CACNA2D1: variants seen among roughly 807,000 people sequenced by gnomAD.
CACNA2D1 encodes the protein calcium voltage-gated channel auxiliary subunit alpha2delta 1.
Under a neutral mutation model 171.5 loss-of-function variants are expected in CACNA2D1, and 53 were observed. That is an observed-to-expected ratio of 0.31 (90% CI 0.25 to 0.39). CACNA2D1 has a LOEUF of 0.39. CACNA2D1 is among the 10% of genes least tolerant of loss of function. The probability of loss-of-function intolerance (pLI) is 1.00; values close to 1 mark genes in which losing one functional copy is unlikely to be tolerated. For missense variants in CACNA2D1, 903 were observed against 1,299.8 expected, an observed-to-expected ratio of 0.69 and a Z score of 4.69; for synonymous variants, 442 against 443.1, an observed-to-expected ratio of 1.00 and a Z score of 0.03.
In CACNA2D1 at chr7:81,974,505, A is replaced by T; in HGVS notation, c.2003T>A (p.Leu668His). The T allele has an allele frequency of 6.3e-7, 1 of 1,579,040 alleles. No individual in the cohort carries two copies. The highest frequency in any genetic ancestry group is 8.7e-7 in the Non-Finnish European group (1 of 1,149,402). The change falls in exon 25 of 39, where the codon CTT (leucine) becomes CAT (histidine). Residue 668 changes from leucine (L) to histidine (H), a missense_variant. Physicochemically the swap from Leu to His is moderately conservative, Grantham distance 99 (BLOSUM62 -3). This residue lies in a region of CACNA2D1 where 623 missense variants were observed against 925.5 expected (regional missense o/e 0.67). Transcript: ENST00000356860. ...ATCAATAAACTCGTTGAAATTTAAAAGAAATTCAGTGTTATTATCCGATAT... is the reference window on the plus strand; with the variant it reads ...ATCAATAAACTCGTTGAAATTTAAATGAAATTCAGTGTTATTATCCGATAT... ...LKISDNNTEFLLNFNEFIDRK... is the reference protein window; with the variant it reads ...LKISDNNTEFHLNFNEFIDRK...
intron 38 of CACNA2D1, among the ~76,000 whole-genome samples, chr7:81,956,881 A>T (rs1044445681): frequency 7.1e-5 from 10 of 141,694 alleles, no homozygotes; most frequent in Non-Finnish European, 1.3e-4. Flanking sequence ...AAGACCCAAA[A>T]CATCTCTTTA....
At chr7:82,092,804 G>A (rs2129021035) in intron 6 of CACNA2D1, among the ~76,000 whole-genome samples, 1 of 151,648 alleles carries the variant, frequency 6.6e-6, no homozygotes, top group South Asian at 2.1e-4. Flanking sequence ...TACATAGCCT[G>A]CTAAACTCTC....
chr7:82,097,177 A>T (rs1811990058), intron 6 of CACNA2D1, among the ~76,000 whole-genome samples: 1 of 152,194 alleles, frequency 6.6e-6, no homozygotes, highest in African/African-American at 2.4e-5. Context: ...TGGGAGTTGA[A>T]CATTGTTCAA....
At chr7:81,982,022 A>G (rs531072993) in intron 24 of CACNA2D1, among the ~76,000 whole-genome samples, 45 of 152,298 alleles carry the variant, frequency 3.0e-4, no homozygotes, top group Non-Finnish European at 5.4e-4. Context: ...TCACAGGTAA[A>G]AATACACAAT....
At chr7:82,330,564 A>C (rs887960942) in intron 3 of CACNA2D1, among the ~76,000 whole-genome samples, 3 of 152,162 alleles carry the variant, frequency 2.0e-5, no homozygotes, top group African/African-American at 7.2e-5. Context: ...TTTACTGAAG[A>C]ATAATGAAGG....
At chr7:82,026,683 G>A (rs1801963124) in intron 12 of CACNA2D1, among the ~76,000 whole-genome samples, 1 of 151,602 alleles carries the variant, frequency 6.6e-6, no homozygotes, top group Non-Finnish European at 1.5e-5. Context: ...CACACAGGGT[G>A]GGTGTGTGTA....
intron 3 of CACNA2D1, among the ~76,000 whole-genome samples, chr7:82,275,831 A>G (rs1454713596): frequency 6.6e-6 from 1 of 152,196 alleles, no homozygotes; most frequent in Non-Finnish European, 1.5e-5. Flanking sequence ...AATATAGTTA[A>G]TGATTTTCTC....
At chr7:82,099,470 G>T (rs1433363196) in intron 6 of CACNA2D1, among the ~76,000 whole-genome samples, 2 of 13,336 alleles carry the variant, frequency 1.5e-4, no homozygotes, top group Non-Finnish European at 3.4e-4. Context: ...TTTTTTTTGA[G>T]ACGGAGTCTC....
intron 12 of CACNA2D1, among the ~76,000 whole-genome samples, chr7:82,023,286 T>C (rs1442743033): frequency 2.0e-5 from 3 of 151,920 alleles, no homozygotes; most frequent in Non-Finnish European, 2.9e-5. Context: ...GAGATTAACA[T>C]GGATCCTGTT....
intron 6 of CACNA2D1, among the ~76,000 whole-genome samples, chr7:82,110,932 C>T (rs1788303160): frequency 1.3e-5 from 2 of 152,008 alleles, no homozygotes; most frequent in Admixed American, 6.6e-5. Context: ...TTTTACACTC[C>T]ACTCCCCTCC....
At chr7:82,241,920 C>T (rs1406221365) in intron 3 of CACNA2D1, among the ~76,000 whole-genome samples, 1 of 152,138 alleles carries the variant, frequency 6.6e-6, no homozygotes, top group African/African-American at 2.4e-5. Flanking sequence ...ACACAGAGAA[C>T]ATATTACTTT....
chr7:82,219,815 A>G (rs1217400020), intron 3 of CACNA2D1, among the ~76,000 whole-genome samples: 1 of 152,148 alleles, frequency 6.6e-6, no homozygotes, highest in East Asian at 1.9e-4. Flanking sequence ...GTTTTATCTT[A>G]TTCTGATGAG....
intron 4 of CACNA2D1, among the ~76,000 whole-genome samples, chr7:82,153,064 C>A (rs1300073677): frequency 6.7e-6 from 1 of 149,916 alleles, no homozygotes; most frequent in Non-Finnish European, 1.5e-5. Flanking sequence ...GTAGATTGTG[C>A]AATCCTTCTA....
At position 81,991,196 on chromosome 7, in the gene CACNA2D1, G is replaced by T; in HGVS notation, c.1785C>A (p.Gly595=). ...ATACAGTTAATTACCTGTAATCTGT[G>T]CCATTGACAGGTGTCCATGTGTATG... ...NRTYTWTPVN[G]TDYSLALVLP... The change falls in exon 21 of 39, where the codon GGC becomes GGA. Residue 595 remains glycine, a synonymous_variant. Coordinates refer to ENST00000356860, the MANE Select transcript of CACNA2D1 (RefSeq NM_000722.4). 1 of 1,478,750 alleles carries T rather than the reference G, an allele frequency of 6.8e-7. No homozygotes were observed. The highest frequency in any genetic ancestry group is 9.5e-7 in the Non-Finnish European group (1 of 1,056,912). 91.6% of individuals were successfully genotyped at this position (1,478,750 alleles called of 1,614,324 possible).
Position 82,008,836 on chromosome 7 carries a change from A to C in CACNA2D1, c.1363-1080T>G, listed in dbSNP as rs1562861918. On this transcript the variant is annotated intron_variant, in intron 15 of 38. Coordinates refer to ENST00000356860, the MANE Select transcript of CACNA2D1 (RefSeq NM_000722.4). ...TTGTGGTATCAGGTTGTGGTTCATAATTGTGCACATAGGAGGCCCAAATTC... is the reference window on the plus strand; with the variant it reads ...TTGTGGTATCAGGTTGTGGTTCATACTTGTGCACATAGGAGGCCCAAATTC... Among the ~76,000 whole-genome samples, 6 of 152,232 alleles carry C rather than the reference A, an allele frequency of 3.9e-5. 1 individual carries two copies. In the South Asian group the frequency reaches 1.2e-3, roughly 32 times the overall value.
intron 1 of CACNA2D1, among the ~76,000 whole-genome samples, chr7:82,356,014 C>T (rs1480791226): frequency 6.6e-6 from 1 of 152,046 alleles, no homozygotes; most frequent in Non-Finnish European, 1.5e-5. Context: ...TCTCCCCAGT[C>T]ATCAGGGTCC....
chr7:82,242,489 T>C (rs1444918616), intron 3 of CACNA2D1, among the ~76,000 whole-genome samples: 2 of 152,126 alleles, frequency 1.3e-5, no homozygotes, highest in Non-Finnish European at 2.9e-5. Context: ...AAGAATTTCA[T>C]TTGAGAATCT....
intron 22 of CACNA2D1, among the ~76,000 whole-genome samples, chr7:81,984,326 C>G (rs1344416672): frequency 6.6e-6 from 1 of 152,140 alleles, no homozygotes; most frequent in East Asian, 1.9e-4. Context: ...ACATTTTGCT[C>G]CAGCTAGCAG....
chr7:82,002,048 G>C (rs1377570740), intron 18 of CACNA2D1, among the ~76,000 whole-genome samples: 1 of 140,132 alleles, frequency 7.1e-6, no homozygotes, highest in South Asian at 2.3e-4. Flanking sequence ...AAAAAAGAGA[G>C]AGAGAGAGAG....
Sources: gnomAD v4.1 joint callset for allele counts (sites outside exome capture counted in the v4.1 genomes callset) on GRCh38, gnomAD v4.1.1 for gene constraint, gnomAD v4.1.1 regional missense constraint, MANE v1.5 for transcripts, NCBI Gene and HGNC (gene_info 2026-07-23, HGNC 2026-07-21) for gene names.